FREM2: variants seen among roughly 807,000 people sequenced by gnomAD.
The protein encoded by FREM2 is FRAS1 related extracellular matrix 2.
A neutral mutation model predicts 219.9 loss-of-function variants in FREM2; 119 were observed. The ratio of observed to expected loss-of-function variants is 0.54; its 90% CI spans 0.47 to 0.63. The LOEUF is 0.63. Ranked by LOEUF, FREM2 falls within the 30% of genes least tolerant of loss-of-function variation. FREM2 has a pLI of 0.00. For synonymous variants in FREM2, 1,562 were observed against 1,522.8 expected, an observed-to-expected ratio of 1.03 and a Z score of -0.60; for missense variants, 4,030 against 3,993.6, an observed-to-expected ratio of 1.01 and a Z score of -0.25.
intron 16 of FREM2, among the ~76,000 whole-genome samples, chr13:38,865,228 T>C (rs1877919184): frequency 6.6e-6 from 1 of 152,176 alleles, no homozygotes; most frequent in Admixed American, 6.6e-5. Flanking sequence ...CTGATTCTTC[T>C]TCATACTACA....
intron 6 of FREM2, among the ~76,000 whole-genome samples, chr13:38,825,510 T>C (rs1722145890): frequency 6.6e-6 from 1 of 152,122 alleles, no homozygotes; most frequent in Non-Finnish European, 1.5e-5. Context: ...GTAGCTTACT[T>C]GAGTTTTCCT....
chr13:38,845,091 G>T (rs1196137183), intron 6 of FREM2, among the ~76,000 whole-genome samples: 2 of 152,184 alleles, frequency 1.3e-5, no homozygotes, highest in Non-Finnish European at 2.9e-5. Flanking sequence ...CAAAATATGT[G>T]AACAAAATTT....
At chr13:38,734,666 A>G (rs1871906785) in intron 2 of FREM2, among the ~76,000 whole-genome samples, 1 of 152,042 alleles carries the variant, frequency 6.6e-6, no homozygotes, top group Non-Finnish European at 1.5e-5. Flanking sequence ...TGACATATTA[A>G]ATAACATTTT....
chr13:38,705,525 G>A (rs1397992343), intron 2 of FREM2, among the ~76,000 whole-genome samples: 1 of 152,288 alleles, frequency 6.6e-6, no homozygotes, highest in Non-Finnish European at 1.5e-5. Flanking sequence ...AGTGAGAGCT[G>A]GAACAAATAC....
At chr13:38,728,546 T>C (rs759764065) in intron 2 of FREM2, among the ~76,000 whole-genome samples, 5 of 151,802 alleles carry the variant, frequency 3.3e-5, no homozygotes, top group Admixed American at 2.0e-4. Context: ...GCTGGGACTA[T>C]ATGTGTGCAC....
chr13:38,735,593 A>T (rs1215698734), intron 2 of FREM2, among the ~76,000 whole-genome samples: 2 of 147,972 alleles, frequency 1.4e-5, no homozygotes, highest in Non-Finnish European at 1.5e-5. Context: ...GCAAGCGCTT[A>T]AAAAAAATGC....
At chr13:38,697,911 G>A (rs1279356555) in intron 2 of FREM2, 124 bp downstream of exon 2, 4 of 712,656 alleles carry the variant, frequency 5.6e-6, no homozygotes, top group South Asian at 3.0e-5. Flanking sequence ...ATTTAACCTG[G>A]TATTTGCTGT....
chr13:38,865,130 CTTCT>C (rs1434755835), intron 16 of FREM2, among the ~76,000 whole-genome samples: 2 of 152,110 alleles, frequency 1.3e-5, no homozygotes, highest in African/African-American at 4.8e-5. Flanking sequence ...TTTTTCTCCT[CTTCT>C]TCGCTTTTTG....
intron 2 of FREM2, among the ~76,000 whole-genome samples, chr13:38,754,901 G>GATGATGATGATGATTATTATT (rs56270131): frequency 2.3e-5 from 3 of 128,648 alleles, no homozygotes; most frequent in South Asian, 2.9e-4. Context: ...TGATGATGAT[G>GATGATGATGATGATTATTATT]ATTATTATTA....
chr13:38,699,006 A>G (rs1870234216), intron 2 of FREM2, among the ~76,000 whole-genome samples: 1 of 152,184 alleles, frequency 6.6e-6, no homozygotes. Context: ...CATAAAACGA[A>G]GTTCTAAAAA....
At chr13:38,770,180 AAATT>A (rs1219519263) in intron 4 of FREM2, among the ~76,000 whole-genome samples, 2 of 147,978 alleles carry the variant, frequency 1.4e-5, no homozygotes, top group African/African-American at 4.9e-5. Context: ...TTTTATATAT[AAATT>A]ATTTACATAT....
chr13:38,766,674 A>G (rs1044511280), intron 3 of FREM2, among the ~76,000 whole-genome samples: 1 of 152,198 alleles, frequency 6.6e-6, no homozygotes, highest in African/African-American at 2.4e-5. Flanking sequence ...TATATTCTCA[A>G]AGATTATTAT....
rs776466360 is a variant in FREM2, at chr13:38,764,408, G to A, written c.5368G>A (p.Val1790Ile). ...VNEDSKFLDV[V>I]LKRRGYLGET... ...TGAGGACTCCAAATTTCTAGATGTT[G>A]TTCTTAAACGTAGAGGTTACTTGGG... The change falls in exon 3 of 24, where the codon GTT (valine) becomes ATT (isoleucine). Residue 1790 changes from valine (V) to isoleucine (I), a missense_variant. Transcript: ENST00000280481. The A allele has an allele frequency of 1.1e-4, 174 of 1,595,016 alleles. No individual in the cohort carries two copies. The highest frequency in any genetic ancestry group is 1.4e-4 in the Non-Finnish European group (161 of 1,164,090).
rs1875277987 is a variant in FREM2, at chr13:38,807,224, T to TATATAC, written c.6019+22420_6019+22421insACATAT. Among the ~76,000 whole-genome samples, 3 of 129,174 alleles carry TATATAC rather than the reference T, an allele frequency of 2.3e-5. 1 individual carries two copies. The highest frequency in any genetic ancestry group is 5.0e-5 in the Non-Finnish European group (3 of 60,032). 84.7% of individuals were successfully genotyped at this position (129,174 alleles called of 152,430 possible). ...ATATATATATATATATATATATATA[T>TATATAC]ATATGTATGGTTTTGTTTTGTTTTG... On this transcript the variant is annotated intron_variant, in intron 6 of 23. Coordinates refer to ENST00000280481, the MANE Select transcript of FREM2 (RefSeq NM_207361.6).
rs139976243 is a variant in FREM2, at chr13:38,874,196, CA to C, written c.8177-285del. On this transcript the variant is annotated intron_variant, in intron 17 of 23. Transcript: ENST00000280481. Reference sequence around the variant, plus strand: ...TGTCATGCCTCTCAATTTACAGCTTCATTTTTATAAACTCAGATTTTAAAAA... The same window carrying C: ...TGTCATGCCTCTCAATTTACAGCTTCTTTTTATAAACTCAGATTTTAAAAA... Among the ~76,000 whole-genome samples, 1,184 of 152,288 alleles carry C rather than the reference CA, an allele frequency of 7.8e-3. 15 individuals carry two copies. The highest frequency in any genetic ancestry group is 0.026 in the African/African-American group (1,084 of 41,556).
In FREM2 at chr13:38,883,070, A is replaced by T. The variant is rs747352074; in HGVS notation, c.*2283A>T. ...ATAAAATGCAGAACATTTCTATCCTATCCTACCAAATATTTATCCTTCTCT... is the reference window on the plus strand; with the variant it reads ...ATAAAATGCAGAACATTTCTATCCTTTCCTACCAAATATTTATCCTTCTCT... On this transcript the variant is annotated 3_prime_UTR_variant, in exon 24 of 24. Coordinates refer to ENST00000280481, the MANE Select transcript of FREM2 (RefSeq NM_207361.6). 6.6e-6 allele frequency: 1 copy of T among 152,124 alleles called. No homozygotes were observed. The highest frequency in any genetic ancestry group is 1.5e-5 in the Non-Finnish European group (1 of 68,002). 9.4% of individuals were successfully genotyped at this position (152,124 alleles called of 1,614,324 possible). A position where few individuals can be genotyped will look rare whatever the true frequency, so the allele number is the denominator to read the frequency against.
intron 11 of FREM2, among the ~76,000 whole-genome samples, chr13:38,853,303 G>T (rs1360155734): frequency 5.4e-5 from 7 of 129,780 alleles, no homozygotes; most frequent in Non-Finnish European, 1.1e-4. Flanking sequence ...AGAGACAAGC[G>T]CAAAACTCCG....
intron 6 of FREM2, among the ~76,000 whole-genome samples, chr13:38,788,401 A>C (rs1874419368): frequency 6.6e-6 from 1 of 152,140 alleles, no homozygotes; most frequent in Non-Finnish European, 1.5e-5. Context: ...ACTGTACCTT[A>C]TCCACTGCTG....
In FREM2 at chr13:38,689,706, C is replaced by A; in HGVS notation, c.2362C>A (p.Pro788Thr). ...CAACCATCATAAAATTGCTTACAGA[C>A]CCCCGGGTCAAGAACTGGGCGTGGC... The part of the protein sequence containing the change: ...QINHHKIAYR[P>T]PGQELGVATR... Residue 788 changes from proline (P) to threonine (T), a missense_variant, in exon 1 of 24, where the codon CCC becomes ACC. By Grantham distance (38) the Pro-to-Thr change is conservative. Coordinates refer to ENST00000280481, the MANE Select transcript of FREM2 (RefSeq NM_207361.6). 1.9e-6 allele frequency: 3 copies of A among 1,613,858 alleles called. No individual in the cohort carries two copies. The highest frequency in any genetic ancestry group is 2.5e-6 in the Non-Finnish European group (3 of 1,179,870).
Sources: allele counts gnomAD v4.1 joint callset (sites outside exome capture counted in the v4.1 genomes callset), GRCh38; gene constraint gnomAD v4.1.1; transcripts MANE v1.5; gene names NCBI Gene and HGNC (gene_info 2026-07-23, HGNC 2026-07-21).